NAT16: variants seen among roughly 807,000 people sequenced by gnomAD.
NAT16 encodes N-acetyltransferase 16 (putative), also known as probable N-acetyltransferase 16.
A neutral mutation model predicts 15.9 loss-of-function variants in NAT16; 16 were observed. The observed-to-expected ratio is 1.01, with a 90% confidence interval of 0.68 to 1.53. NAT16 has a LOEUF of 1.53. Ranked by LOEUF, NAT16 falls within the 40% of genes most tolerant of loss-of-function variation. The pLI, the probability that NAT16 is intolerant of heterozygous loss-of-function variation, is 0.00. For missense variants in NAT16, 572 were observed against 508.4 expected (o/e 1.13, Z -1.20); for synonymous variants, 260 against 241.9 (o/e 1.07, Z -0.69).
At chr7:101,174,911 A>G in intron 1 of NAT16, 100 bp from the exon 2 acceptor site, 1 of 1,301,294 alleles carries the variant, frequency 7.7e-7, no homozygotes, top group Non-Finnish European at 9.8e-7. Flanking sequence ...CTACACAAAT[A>G]GCCTTTCTTT....
At position 101,180,146 on chromosome 7, in the gene NAT16, G is replaced by C. The variant is rs1041249689; in HGVS notation, c.-109C>G. 1 of 152,510 alleles carries C rather than the reference G, an allele frequency of 6.6e-6. No homozygotes were observed. Among genetic ancestry groups the C allele is most frequent in the Non-Finnish European group, 1.5e-5 (1 of 68,296 alleles). 9.4% of individuals were successfully genotyped at this position (152,510 alleles called of 1,614,324 possible). On this transcript the variant is annotated 5_prime_UTR_variant, in exon 1 of 4. Coordinates refer to ENST00000300303, the MANE Select transcript of NAT16 (RefSeq NM_198571.3). ...GTGCCAAGAGAGAGGTCCCTTTGGA[G>C]CCCCCAAGAGTCAAAGGAGGATGAC...
chr7:101,178,045 G>A (rs967962871), intron 1 of NAT16, among the ~76,000 whole-genome samples: 3 of 152,224 alleles, frequency 2.0e-5, no homozygotes, highest in Non-Finnish European at 4.4e-5. Flanking sequence ...AAGGTGATAA[G>A]TTGTGAGCAA....
chr7:101,175,407 A>G (rs983511572), intron 1 of NAT16, among the ~76,000 whole-genome samples: 4 of 151,828 alleles, frequency 2.6e-5, no homozygotes, highest in African/African-American at 7.3e-5. Flanking sequence ...TACCTGGCCC[A>G]CACCCTTTCT....
chr7:101,173,441 C>T lies in NAT16; in HGVS notation c.392G>A (p.Arg131His), dbSNP rs1390480121. The change falls in exon 3 of 4, where the codon CGC becomes CAC. Residue 131 changes from arginine to histidine, a missense_variant. Transcript: ENST00000300303. ...CAGCAGCCCGGCCACGCCCTTCCCG[C>T]GCTCCCAGGGCGCCACGCGCAGCCC... ...VEGLRVAPWE[R>H]GKGVAGLLQR... The T allele has an allele frequency of 6.2e-7, 1 of 1,612,528 alleles. No individual in the cohort carries two copies. The highest frequency in any genetic ancestry group is 1.7e-5 in the Admixed American group (1 of 59,938).
chr7:101,174,918 C>CTTTT lies in NAT16; in HGVS notation c.-4-111_-4-108dup, dbSNP rs559610868. 971 of 1,247,814 alleles carry CTTTT rather than the reference C, an allele frequency of 7.8e-4. 13 individuals are homozygous for CTTTT. In the African/African-American group the frequency reaches 0.014, roughly 18 times the overall value. 77.3% of individuals were successfully genotyped at this position (1,247,814 alleles called of 1,614,324 possible). ...GCCCCTTCCTACACAAATAGCCTTT[C>CTTTT]TTTTTCTTTTCTTTTATTTATTTAC... On this transcript the variant is annotated intron_variant, in intron 1 of 3. Coordinates refer to ENST00000300303, the MANE Select transcript of NAT16 (RefSeq NM_198571.3).
At chr7:101,178,648 G>T (rs113907405) in intron 1 of NAT16, among the ~76,000 whole-genome samples, 2 of 146,772 alleles carry the variant, frequency 1.4e-5, no homozygotes, top group Non-Finnish European at 1.5e-5. Flanking sequence ...CAAGGGAGGC[G>T]GATCATCTGA....
chr7:101,174,894 C>A (rs545284863), intron 1 of NAT16, 83 bp from the exon 2 acceptor site: 4 of 1,458,110 alleles, frequency 2.7e-6, no homozygotes, highest in Non-Finnish European at 3.6e-6. Flanking sequence ...GGTCCTAATG[C>A]CCCTTCCTAC....
At chr7:101,178,883 C>T (rs866424368) in intron 1 of NAT16, among the ~76,000 whole-genome samples, 3 of 21,938 alleles carry the variant, frequency 1.4e-4, no homozygotes, top group Admixed American at 1.4e-3. Context: ...AAGAGTGAAA[C>T]GCTGTCAAAA....
rs369235016 is a variant in NAT16 at position 101,177,931 on chromosome 7, C to A, written c.-5+2111G>T. The stretch of plus-strand genomic sequence containing the variant: ...CAGAGAACAGCAAGTTAGCTCCTGA[C>A]TCCATCTGCAGCTCCAGGCAACATG... On this transcript the variant is annotated intron_variant, in intron 1 of 3. Coordinates refer to ENST00000300303, the MANE Select transcript of NAT16 (RefSeq NM_198571.3). 3.9e-5 allele frequency among the ~76,000 whole-genome samples: 6 copies of A among 152,320 alleles called. No individual in the cohort carries two copies. In the South Asian group the frequency reaches 6.2e-4, roughly 16 times the overall value.
chr7:101,175,590 C>T (rs1797445864), intron 1 of NAT16, among the ~76,000 whole-genome samples: 1 of 151,018 alleles, frequency 6.6e-6, no homozygotes, highest in Non-Finnish European at 1.5e-5. Flanking sequence ...TCCAGGGACC[C>T]AGGCAAAAGA....
chr7:101,173,437 C>T lies in NAT16; in HGVS notation c.396G>A (p.Gly132=). The stretch of plus-strand genomic sequence containing the variant: ...GCTGCAGCAGCCCGGCCACGCCCTT[C>T]CCGCGCTCCCAGGGCGCCACGCGCA... ...EGLRVAPWER[G]KGVAGLLQRF... is the part of the protein sequence containing the mutation. Residue 132 remains glycine, a synonymous_variant, in exon 3 of 4, where the codon GGG becomes GGA. Coordinates refer to ENST00000300303, the MANE Select transcript of NAT16 (RefSeq NM_198571.3). 1 of 1,612,688 alleles carries T rather than the reference C, an allele frequency of 6.2e-7. No individual in the cohort carries two copies. The highest frequency in any genetic ancestry group is 1.3e-5 in the African/African-American group (1 of 75,034).
chr7:101,172,252 G>A lies in NAT16; in HGVS notation c.937C>T (p.Leu313=). Residue 313 remains leucine (L), a synonymous_variant, in exon 4 of 4, where the codon CTG becomes TTG. Transcript: ENST00000300303. This position sits in a 1 kb window ranked among gnomAD's most constrained non-coding sequence, Gnocchi z 4.2. ...GSDGAQVQSQ[L]LWHLQRQAPR... ...GCCTGGCGCTGCAGGTGCCACAGCAGCTGGCTCTGCACCTGCGCGCCGTCG... is the reference window on the plus strand; with the variant it reads ...GCCTGGCGCTGCAGGTGCCACAGCAACTGGCTCTGCACCTGCGCGCCGTCG... 1.2e-6 allele frequency: 2 copies of A among 1,613,152 alleles called. No homozygotes were observed. Among genetic ancestry groups the A allele is most frequent in the South Asian group, 1.1e-5 (1 of 91,060 alleles).
intron 1 of NAT16, among the ~76,000 whole-genome samples, chr7:101,178,889 C>CAAAAAAAAAA (rs71126381): frequency 0.17 from 10,252 of 61,092 alleles, 1,690 homozygotes; most frequent in Non-Finnish European, 0.22. Flanking sequence ...GAAACGCTGT[C>CAAAAAAAAAA]AAAAAAAAAA....
chr7:101,173,272 A>G, intron 3 of NAT16, 24 bp downstream of exon 3: 1 of 1,603,454 alleles, frequency 6.2e-7, no homozygotes, highest in Non-Finnish European at 8.5e-7. Flanking sequence ...AGGCCCAGCC[A>G]TCCGAGCTCC....
Position 101,172,095 on chromosome 7 carries a change from A to G in NAT16, c.1094T>C (p.Leu365Pro). 1 of 1,612,850 alleles carries G rather than the reference A, an allele frequency of 6.2e-7. No homozygotes were observed. The highest frequency in any genetic ancestry group is 8.5e-7 in the Non-Finnish European group (1 of 1,179,206). ...LVKGYTEQYLLEADI is the reference protein window; with the variant it reads ...LVKGYTEQYLPEADI ...GGAGAGGCCTCAGATGTCGGCCTCC[A>G]GCAGGTACTGTTCAGTATAACCCTT... The change falls in exon 4 of 4, where the codon CTG (leucine) becomes CCG (proline). Residue 365 changes from leucine to proline, a missense_variant. Coordinates refer to ENST00000300303, the MANE Select transcript of NAT16 (RefSeq NM_198571.3). This position sits in a 1 kb window ranked among gnomAD's most constrained non-coding sequence, Gnocchi z 4.2.
intron 1 of NAT16, among the ~76,000 whole-genome samples, chr7:101,175,634 A>G (rs971397978): frequency 5.3e-5 from 8 of 151,704 alleles, no homozygotes; most frequent in Non-Finnish European, 1.0e-4. Context: ...TAAAAAAAAA[A>G]AAGAAGAAGA....
intron 1 of NAT16, among the ~76,000 whole-genome samples, chr7:101,176,311 G>T (rs765911076): frequency 2.6e-5 from 4 of 152,162 alleles, no homozygotes; most frequent in African/African-American, 9.6e-5. Context: ...CCTGGCCAGC[G>T]TGATGAAACC....
Position 101,174,641 on chromosome 7 carries a change from A to G in NAT16, c.167T>C (p.Val56Ala), listed in dbSNP as rs774424411. Residue 56 changes from valine (V) to alanine (A), a missense_variant, in exon 2 of 4, where the codon GTG (valine) becomes GCG (alanine). Val to Ala is a moderately conservative substitution (Grantham distance 64). Coordinates refer to ENST00000300303, the MANE Select transcript of NAT16 (RefSeq NM_198571.3). ...CTCAAACTCCCGTTCCGTGGCCACC[A>G]CGAAGTCCAATGGCTCGGCCTCAGC... ...PEAEAEPLDF[V>A]VATEREFEEV... is the part of the protein sequence containing the mutation. 1 of 1,613,406 alleles carries G rather than the reference A, an allele frequency of 6.2e-7. No homozygotes were observed. The highest frequency in any genetic ancestry group is 2.2e-5 in the East Asian group (1 of 44,824).
At chr7:101,178,579 A>G (rs1004914212) in intron 1 of NAT16, among the ~76,000 whole-genome samples, 1 of 152,064 alleles carries the variant, frequency 6.6e-6, no homozygotes, top group South Asian at 2.1e-4. Flanking sequence ...TAAAAGAGGG[A>G]CAGCATTTCT....
Sources: allele counts gnomAD v4.1 joint callset (sites outside exome capture counted in the v4.1 genomes callset), GRCh38; gene constraint gnomAD v4.1.1; non-coding constraint Gnocchi (gnomAD v3.1); transcripts MANE v1.5; gene names NCBI Gene and HGNC (gene_info 2026-07-23, HGNC 2026-07-21).